The following RASSF6 variants were observed in gnomAD, a reference collection of about 807,000 sequenced individuals.
The protein encoded by RASSF6 is ras association domain-containing protein 6.
RASSF6 carries 52 observed loss-of-function variants against 44.0 expected under a neutral mutation model. The ratio of observed to expected loss-of-function variants is 1.18; its 90% CI spans 0.95 to 1.49. The LOEUF (loss-of-function observed/expected upper bound fraction) is 1.49. RASSF6 is among the 40% of genes most tolerant of loss of function. RASSF6 has a pLI of 0.00. For synonymous variants in RASSF6, 162 were observed against 124.6 expected (o/e 1.30, Z -2.00); for missense variants, 464 against 393.3 (o/e 1.18, Z -1.52).
At chr4:73,598,152 T>C (rs996759544) in intron 3 of RASSF6, among the ~76,000 whole-genome samples, 1 of 152,262 alleles carries the variant, frequency 6.6e-6, no homozygotes, top group Admixed American at 6.5e-5. Context: ...AGGACTTTCC[T>C]GAATTCTTTC....
At chr4:73,595,520 A>G (rs1475673212) in intron 3 of RASSF6, among the ~76,000 whole-genome samples, 1 of 152,176 alleles carries the variant, frequency 6.6e-6, no homozygotes, top group East Asian at 1.9e-4. Context: ...TGTATTATAA[A>G]TGGAGCACTG....
Position 73,593,515 on chromosome 4 carries a change from G to A in RASSF6, c.223C>T (p.Gln75Ter), listed in dbSNP as rs373578071. Residue 75 changes from glutamine (Q) to a stop codon, truncating the protein, a stop_gained, in exon 4 of 11, where the codon CAA becomes TAA. Transcript: ENST00000307439. LOFTEE classifies it high-confidence loss of function. Reference sequence around the variant, plus strand: ...AAAGAAGAGAATGGCTTCTCATCTTGTATTTTTAGCTGTATAGGTCGTTTT... The same window carrying A: ...AAAGAAGAGAATGGCTTCTCATCTTATATTTTTAGCTGTATAGGTCGTTTT... Reference protein sequence around the residue: ...GVKRPIQLKIQDEKPFSSFTS... With the variant: ...GVKRPIQLKI The A allele has an allele frequency of 6.2e-7, 1 of 1,613,530 alleles. No homozygotes were observed. Among genetic ancestry groups the A allele is most frequent in the Middle Eastern group, 1.7e-4 (1 of 6,060 alleles).
At chr4:73,582,839 A>AACACACAC (rs141094236) in intron 6 of RASSF6, among the ~76,000 whole-genome samples, 3 of 151,524 alleles carry the variant, frequency 2.0e-5, no homozygotes, top group African/African-American at 4.8e-5. Context: ...CCACACATGT[A>AACACACAC]ACACGCACAC....
rs1295678360 is a variant in RASSF6 at position 73,575,846 on chromosome 4, T to G, written c.*389A>C. 1 of 156,376 alleles carries G rather than the reference T, an allele frequency of 6.4e-6. No individual in the cohort carries two copies. The highest frequency in any genetic ancestry group is 2.4e-5 in the African/African-American group (1 of 41,610). 9.7% of individuals were successfully genotyped at this position (156,376 alleles called of 1,614,324 possible). ...TGTATTTCTTTTTCATTCCAAGAAC[T>G]GGCAGCTTCTTTTTTCTGAGTCATT... On this transcript the variant is annotated 3_prime_UTR_variant, in exon 11 of 11. Coordinates refer to ENST00000307439, the MANE Select transcript of RASSF6 (RefSeq NM_177532.5).
At chr4:73,613,397 G>C (rs1417073520) in intron 1 of RASSF6, among the ~76,000 whole-genome samples, 1 of 152,124 alleles carries the variant, frequency 6.6e-6, no homozygotes, top group Non-Finnish European at 1.5e-5. Flanking sequence ...TTTGGTCTGG[G>C]CAACTTGGTT....
chr4:73,586,528 A>G (rs34773614), intron 5 of RASSF6, among the ~76,000 whole-genome samples: 42,042 of 151,484 alleles, frequency 0.28, 6,038 homozygotes, highest in Admixed American at 0.4. Flanking sequence ...AATTGATAGT[A>G]CCTTTTTCAA....
In RASSF6 at chr4:73,572,826, A is replaced by T. The variant is rs951429051; in HGVS notation, c.*3409T>A. ...AAACTATAGAACACTTAATACAGATAGGGAAGTTAGAAAAACATGAATCAC... is the reference window on the plus strand; with the variant it reads ...AAACTATAGAACACTTAATACAGATTGGGAAGTTAGAAAAACATGAATCAC... On this transcript the variant is annotated 3_prime_UTR_variant, in exon 11 of 11. Coordinates refer to ENST00000307439, the MANE Select transcript of RASSF6 (RefSeq NM_177532.5). 6.6e-6 allele frequency: 1 copy of T among 152,174 alleles called. No individual in the cohort carries two copies. The highest frequency in any genetic ancestry group is 2.4e-5 in the African/African-American group (1 of 41,454). 9.4% of individuals were successfully genotyped at this position (152,174 alleles called of 1,614,324 possible).
chr4:73,610,610 A>T (rs1437844320), intron 2 of RASSF6, among the ~76,000 whole-genome samples: 1 of 152,086 alleles, frequency 6.6e-6, no homozygotes, highest in African/African-American at 2.4e-5. Context: ...TGGAGTTGCC[A>T]TTCCCCTTGC....
chr4:73,587,687 T>A (rs7696502), intron 5 of RASSF6, among the ~76,000 whole-genome samples, 153 bp downstream of exon 5: 1 of 151,716 alleles, frequency 6.6e-6, no homozygotes, highest in African/African-American at 2.4e-5. Flanking sequence ...TAAGTTACTA[T>A]GCTCCTAAGA....
rs754354673 is a variant in RASSF6, at chr4:73,587,884, T to A, written c.338A>T (p.Asp113Val). The change falls in exon 5 of 11, where the codon GAC becomes GTC. Residue 113 changes from aspartate to valine, a missense_variant. By Grantham distance (152) the Asp-to-Val change is radical. Coordinates refer to ENST00000307439, the MANE Select transcript of RASSF6 (RefSeq NM_177532.5). ...FDDLYRISEL[D>V]RTQIPMSEKR... ...TTCAGACATAGGAATCTGGGTCCTG[T>A]CCAGCTCACTAATACGATAGAGATC... is the stretch of plus-strand genomic sequence containing the variant. 1.2e-6 allele frequency: 2 copies of A among 1,610,688 alleles called. No individual in the cohort carries two copies. The highest frequency in any genetic ancestry group is 2.2e-5 in the South Asian group (2 of 90,848).
chr4:73,601,385 C>G (rs909101448), intron 2 of RASSF6, among the ~76,000 whole-genome samples: 1 of 152,174 alleles, frequency 6.6e-6, no homozygotes, highest in African/African-American at 2.4e-5. Context: ...ACCTACAGAG[C>G]CTGAAATATT....
chr4:73,602,113 G>C (rs1174859055), intron 2 of RASSF6, among the ~76,000 whole-genome samples: 1 of 152,216 alleles, frequency 6.6e-6, no homozygotes, highest in African/African-American at 2.4e-5. Flanking sequence ...AAACTCAAGA[G>C]TTGGGATTCC....
intron 6 of RASSF6, among the ~76,000 whole-genome samples, chr4:73,583,493 T>C (rs1246458598): frequency 6.6e-6 from 1 of 152,134 alleles, no homozygotes; most frequent in Non-Finnish European, 1.5e-5. Context: ...GTGTTATTCA[T>C]AGCCTAACAA....
chr4:73,586,388 T>C (rs1724093519), intron 5 of RASSF6, among the ~76,000 whole-genome samples: 1 of 152,000 alleles, frequency 6.6e-6, no homozygotes, highest in South Asian at 2.1e-4. Context: ...TAGTGTAGCG[T>C]TGAACAACTC....
chr4:73,590,407 G>A (rs1724452932), intron 4 of RASSF6, among the ~76,000 whole-genome samples: 2 of 152,320 alleles, frequency 1.3e-5, no homozygotes, highest in Admixed American at 6.5e-5. Flanking sequence ...TCCTGCAAGA[G>A]CAGAGGTGTA....
intron 1 of RASSF6, among the ~76,000 whole-genome samples, chr4:73,618,508 CAGCATAAA>C (rs1653309994): frequency 6.6e-6 from 1 of 152,016 alleles, no homozygotes; most frequent in Non-Finnish European, 1.5e-5. Context: ...TATGGAAATT[CAGCATAAA>C]AGCATATTTC....
chr4:73,611,750 C>T lies in RASSF6; in HGVS notation c.46G>A (p.Glu16Lys). 1.2e-6 allele frequency: 2 copies of T among 1,608,008 alleles called. No homozygotes were observed. The highest frequency in any genetic ancestry group is 1.1e-5 in the South Asian group (1 of 90,866). Reference sequence around the variant, plus strand: ...GGTTACCTGGTTATGAATGTCTTCTCATTAATGAAGATCCAAGAGGGGTAC... The same window carrying T: ...GGTTACCTGGTTATGAATGTCTTCTTATTAATGAAGATCCAAGAGGGGTAC... ...HQYPSWIFIN[E>K]KTFITREQLN... is the part of the protein sequence containing the mutation. Residue 16 changes from glutamate (E) to lysine (K), a missense_variant, in exon 2 of 11, where the codon GAG (glutamate) becomes AAG (lysine). Transcript: ENST00000307439.
At chr4:73,597,404 A>G (rs1448029788) in intron 3 of RASSF6, among the ~76,000 whole-genome samples, 2 of 152,244 alleles carry the variant, frequency 1.3e-5, no homozygotes, top group Non-Finnish European at 2.9e-5. Context: ...AGAAAAATGC[A>G]AATCAAAACC....
intron 8 of RASSF6, among the ~76,000 whole-genome samples, chr4:73,578,760 C>T (rs1723414692): frequency 6.6e-6 from 1 of 152,026 alleles, no homozygotes; most frequent in Non-Finnish European, 1.5e-5. Context: ...AGGTGTGCGC[C>T]ACCACACCTG....
Sources: gnomAD v4.1 joint callset for allele counts (sites outside exome capture counted in the v4.1 genomes callset) on GRCh38, gnomAD v4.1.1 for gene constraint, MANE v1.5 for transcripts, NCBI Gene and HGNC (gene_info 2026-07-23, HGNC 2026-07-21) for gene names.